The following JAG1 variants were observed in gnomAD, a reference collection of about 807,000 sequenced individuals.
JAG1 encodes the protein jagged canonical Notch ligand 1.
JAG1 carries 23 observed loss-of-function variants against 148.7 expected under a neutral mutation model. The ratio of observed to expected loss-of-function variants is 0.15; its 90% confidence interval spans 0.11 to 0.22. JAG1 has a LOEUF of 0.22. Among genes scored for constraint, JAG1 ranks in the 10% least tolerant of loss-of-function variants. JAG1 has a pLI of 1.00. For missense variants in JAG1, 1,054 were observed against 1,611.2 expected (o/e 0.65, Z 5.92); for synonymous variants, 572 against 598.3 (o/e 0.96, Z 0.64).
intron 2 of JAG1, among the ~76,000 whole-genome samples, chr20:10,672,061 G>A (rs6077870): frequency 0.17 from 26,422 of 152,124 alleles, 2,815 homozygotes; most frequent in Middle Eastern, 0.31. Flanking sequence ...GGCAGGAAGG[G>A]GCCAGCAGCG....
At chr20:10,642,993 A>G (rs866632043) in intron 20 of JAG1, among the ~76,000 whole-genome samples, 20 of 152,358 alleles carry the variant, frequency 1.3e-4, no homozygotes, top group Middle Eastern at 6.8e-3. Context: ...GCCATAGACA[A>G]TACATAAATG....
At chr20:10,667,218 C>A (rs915642630) in intron 2 of JAG1, among the ~76,000 whole-genome samples, 2 of 152,194 alleles carry the variant, frequency 1.3e-5, no homozygotes, top group African/African-American at 4.8e-5. Flanking sequence ...CAGGCTGCTG[C>A]GACAGGCAGG....
intron 4 of JAG1, among the ~76,000 whole-genome samples, chr20:10,656,916 G>T (rs1214307112): frequency 4.7e-5 from 7 of 150,536 alleles, no homozygotes; most frequent in African/African-American, 1.7e-4. Flanking sequence ...CAAATGCCTG[G>T]TTTGAAAATT....
Position 10,644,351 on chromosome 20 carries a change from A to C in JAG1, c.2372+6T>G. On this transcript the variant is annotated splice_donor_region_variant and intron_variant, in intron 19 of 25. Coordinates refer to ENST00000254958, the MANE Select transcript of JAG1 (RefSeq NM_000214.3). Reference sequence around the variant, plus strand: ...GAGTGCTGGCTTAAAAGGATGTCACACTTACCAGGGATGAGGGCTGCAGTC... The same window carrying C: ...GAGTGCTGGCTTAAAAGGATGTCACCCTTACCAGGGATGAGGGCTGCAGTC... 1.2e-6 allele frequency: 2 copies of C among 1,611,108 alleles called. No individual in the cohort carries two copies. The highest frequency in any genetic ancestry group is 1.7e-6 in the Non-Finnish European group (2 of 1,177,680).
Position 10,656,392 on chromosome 20 carries a change from A to G in JAG1, c.755+6T>C. 6.2e-7 allele frequency: 1 copy of G among 1,610,866 alleles called. No homozygotes were observed. Among genetic ancestry groups the G allele is most frequent in the African/African-American group, 1.3e-5 (1 of 74,988 alleles). On this transcript the variant is annotated splice_donor_region_variant and intron_variant, in intron 5 of 25. Transcript: ENST00000254958. ...AAGAAATCTCACAAAAGACCAGTTG[A>G]TTTACCTGCAGTCACCTGGGAGTTT...
intron 14 of JAG1, 33 bp from the exon 15 acceptor site, chr20:10,646,117 A>C (rs1368964118): frequency 2.0e-6 from 3 of 1,502,404 alleles, no homozygotes; most frequent in Non-Finnish European, 2.8e-6. Context: ...AAAAGAACTG[A>C]AGGACTTGTG....
chr20:10,651,357 C>T (rs570557161), intron 8 of JAG1: 64 of 518,120 alleles, frequency 1.2e-4, no homozygotes, highest in Middle Eastern at 5.0e-4. Context: ...TCCACGAGGA[C>T]GTTCCTTCCA....
chr20:10,647,251 C>T (rs977060910), intron 13 of JAG1, 148 bp from the exon 14 acceptor site: 29 of 821,662 alleles, frequency 3.5e-5, no homozygotes, highest in South Asian at 1.3e-4. Context: ...ATACTGGCAA[C>T]GTGCCACATC....
At chr20:10,640,762 C>G in intron 25 of JAG1, 21 bp downstream of exon 25, 1 of 1,613,120 alleles carries the variant, frequency 6.2e-7, no homozygotes, top group Non-Finnish European at 8.5e-7. Flanking sequence ...ATCACACAAA[C>G]TAGTCCCACT....
At chr20:10,667,770 T>C (rs2067465211) in intron 2 of JAG1, among the ~76,000 whole-genome samples, 1 of 152,028 alleles carries the variant, frequency 6.6e-6, no homozygotes, top group East Asian at 1.9e-4. Flanking sequence ...CAATGAGACA[T>C]CCCCACCCCC....
At chr20:10,660,377 A>G (rs919158709) in intron 3 of JAG1, among the ~76,000 whole-genome samples, 2 of 152,176 alleles carry the variant, frequency 1.3e-5, no homozygotes, top group African/African-American at 4.8e-5. Flanking sequence ...AATGACAAAA[A>G]TGTCTCTCCA....
At chr20:10,667,093 C>T (rs2067459247) in intron 2 of JAG1, among the ~76,000 whole-genome samples, 1 of 152,242 alleles carries the variant, frequency 6.6e-6, no homozygotes, top group African/African-American at 2.4e-5. Context: ...CTTCCTTTTC[C>T]TGGCAACAGT....
rs564426408 is a variant in JAG1 at position 10,645,275 on chromosome 20, G to C, written c.2114-19C>G. The C allele has an allele frequency of 6.2e-7, 1 of 1,610,884 alleles. No individual in the cohort carries two copies. Among genetic ancestry groups the C allele is most frequent in the South Asian group, 1.1e-5 (1 of 91,008 alleles). ...CTGTCACCTGGAGGAAAATATTTCAGTGTGAGTCCCAGTGGCCCCCTCCCA... is the reference window on the plus strand; with the variant it reads ...CTGTCACCTGGAGGAAAATATTTCACTGTGAGTCCCAGTGGCCCCCTCCCA... On this transcript the variant is annotated intron_variant, in intron 16 of 25. Coordinates refer to ENST00000254958, the MANE Select transcript of JAG1 (RefSeq NM_000214.3). The surrounding 1 kb of genome is among the most constrained non-coding windows in gnomAD (Gnocchi z 6.1).
In JAG1 at chr20:10,645,502, C is replaced by G; in HGVS notation, c.2000-33G>C. On this transcript the variant is annotated intron_variant, in intron 15 of 25. Transcript: ENST00000254958. The surrounding 1 kb of genome is among the most constrained non-coding windows in gnomAD (Gnocchi z 6.1). ...CAAAGGGGAGACAATCGGCTGAAGA[C>G]GAGATCCAGGACCATTCACGACAGG... 6.4e-7 allele frequency: 1 copy of G among 1,561,978 alleles called. No homozygotes were observed. Among genetic ancestry groups the G allele is most frequent in the Non-Finnish European group, 8.8e-7 (1 of 1,133,612 alleles).
At chr20:10,664,043 T>A in intron 2 of JAG1, 29 bp from the exon 3 acceptor site, 1 of 1,603,818 alleles carries the variant, frequency 6.2e-7, no homozygotes, top group Non-Finnish European at 8.5e-7. Flanking sequence ...ATTTAGCAAT[T>A]CAGAAACAGG....
At chr20:10,672,382 G>C (rs1422969545) in intron 2 of JAG1, among the ~76,000 whole-genome samples, 1 of 152,202 alleles carries the variant, frequency 6.6e-6, no homozygotes, top group Non-Finnish European at 1.5e-5. Flanking sequence ...CTCTTGGCTT[G>C]GGGCCGGGAG....
intron 5 of JAG1, among the ~76,000 whole-genome samples, chr20:10,654,751 G>C (rs768710077): frequency 6.6e-6 from 1 of 152,190 alleles, no homozygotes; most frequent in Non-Finnish European, 1.5e-5. Context: ...CCATCAGTGC[G>C]TGTCTGGGCA....
rs770197804 is a variant in JAG1 at position 10,639,894 on chromosome 20, C to G, written c.3261G>C (p.Thr1087=). The stretch of plus-strand genomic sequence containing the variant: ...GCTTCCGCAGGCACCAGTAGAAGGC[C>G]GTCACCAAGCAACAGATCCAAGCCA... ...LTVAWICCLV[T]AFYWCLRKRR... is the part of the protein sequence containing the mutation. Residue 1087 remains threonine, a synonymous_variant, in exon 26 of 26, where the codon ACG becomes ACC. Transcript: ENST00000254958. 6.2e-7 allele frequency: 1 copy of G among 1,614,038 alleles called. No homozygotes were observed.
rs542746078 is a variant in JAG1, at chr20:10,645,783, C to A, written c.1999+188G>T. The stretch of plus-strand genomic sequence containing the variant: ...ATTCTATAGGTCCTCAGCAGAAGCT[C>A]CTCCCCATAAGCTATCATCAGGACT... On this transcript the variant is annotated intron_variant, in intron 15 of 25. Transcript: ENST00000254958. This position sits in a 1 kb window ranked among gnomAD's most constrained non-coding sequence, Gnocchi z 6.1. 3 of 637,264 alleles carry A rather than the reference C, an allele frequency of 4.7e-6. No homozygotes were observed. Among genetic ancestry groups the A allele is most frequent in the South Asian group, 1.8e-5 (1 of 54,284 alleles). The allele number at this position is 637,264 out of a possible 1,614,324, so 39.5% of individuals were successfully genotyped here. A position where few individuals can be genotyped will look rare whatever the true frequency, so the allele number is the denominator to read the frequency against.
Sources: allele counts gnomAD v4.1 joint callset (sites outside exome capture counted in the v4.1 genomes callset), GRCh38; gene constraint gnomAD v4.1.1; non-coding constraint Gnocchi (gnomAD v3.1); transcripts MANE v1.5; gene names NCBI Gene and HGNC (gene_info 2026-07-23, HGNC 2026-07-21).